TUBGCP4: variants seen among roughly 807,000 people sequenced by gnomAD.
TUBGCP4 encodes gamma-tubulin complex component 4.
TUBGCP4 carries 54 observed loss-of-function variants against 91.6 expected under a neutral mutation model. That is an observed-to-expected ratio of 0.59 (90% CI 0.47 to 0.74). The LOEUF is 0.74. Ranked by LOEUF, TUBGCP4 falls within the 30% of genes least tolerant of loss-of-function variation. The probability of loss-of-function intolerance (pLI) is 0.00; values close to 1 mark genes in which losing one functional copy is unlikely to be tolerated. For missense variants in TUBGCP4, 593 were observed against 800.9 expected (o/e 0.74, Z 3.13); for synonymous variants, 297 against 302.8 (o/e 0.98, Z 0.20).
At chr15:43,382,739 C>A (rs1248257511) in intron 6 of TUBGCP4, among the ~76,000 whole-genome samples, 1 of 152,148 alleles carries the variant, frequency 6.6e-6, no homozygotes, top group Non-Finnish European at 1.5e-5. Flanking sequence ...GGTACATTTT[C>A]CCCTTTTTAA....
At chr15:43,404,651 C>G in intron 17 of TUBGCP4, 99 bp downstream of exon 17, 2 of 1,305,034 alleles carry the variant, frequency 1.5e-6, no homozygotes, top group South Asian at 1.4e-5. Context: ...TCCAAATACC[C>G]TCATTTTATA....
chr15:43,383,281 T>G, intron 6 of TUBGCP4, 22 bp from the exon 7 acceptor site: 4 of 1,604,600 alleles, frequency 2.5e-6, no homozygotes, highest in Non-Finnish European at 3.4e-6. Flanking sequence ...CTTCTGAGCC[T>G]CTTACTTTCT....
In TUBGCP4 at chr15:43,395,345, C is replaced by A. The variant is rs935620048; in HGVS notation, c.1065+188C>A. On this transcript the variant is annotated intron_variant, in intron 10 of 17. Coordinates refer to ENST00000564079, the MANE Select transcript of TUBGCP4 (RefSeq NM_014444.5). ...GATAATACAAAGATTTGGGAGTGTA[C>A]TTTTTTCTGGCATATATATATAATT... The A allele has an allele frequency of 4.3e-6, 3 of 698,186 alleles. No individual in the cohort carries two copies. The African/African-American group carries it at 5.4e-5, about 13-fold the overall frequency. 43.2% of individuals were successfully genotyped at this position (698,186 alleles called of 1,614,324 possible). A position where few individuals can be genotyped will look rare whatever the true frequency, so the allele number is the denominator to read the frequency against.
At chr15:43,376,335 A>C in intron 2 of TUBGCP4, 109 bp downstream of exon 2, 1 of 1,600,496 alleles carries the variant, frequency 6.2e-7, no homozygotes, top group Middle Eastern at 1.7e-4. Flanking sequence ...TTTATCGGTA[A>C]TTCATGTGAA....
intron 10 of TUBGCP4, 60 bp downstream of exon 10, chr15:43,395,217 CTGA>C: frequency 1.9e-6 from 3 of 1,583,304 alleles, no homozygotes; most frequent in Non-Finnish European, 2.6e-6. Flanking sequence ...CTTGCATTCT[CTGA>C]TGTTTCCTGA....
intron 1 of TUBGCP4, among the ~76,000 whole-genome samples, chr15:43,374,310 T>C (rs1566888170): frequency 6.6e-6 from 1 of 152,122 alleles, no homozygotes; most frequent in Non-Finnish European, 1.5e-5. Flanking sequence ...TGGCAGTTCT[T>C]CAAAAAATTA....
At chr15:43,380,611 T>C (rs956041206) in intron 6 of TUBGCP4, among the ~76,000 whole-genome samples, 23 of 152,208 alleles carry the variant, frequency 1.5e-4, no homozygotes, top group African/African-American at 5.5e-4. Flanking sequence ...AAAATAACTA[T>C]ATGCACAAAC....
chr15:43,405,184 T>C lies in TUBGCP4; in HGVS notation c.1989-18T>C, dbSNP rs1334272875. ...GGGAAAGCATGACACTTAATAAGGCTCTTTTTCTCTTTTGTAGTTTCGGGA... is the reference window on the plus strand; with the variant it reads ...GGGAAAGCATGACACTTAATAAGGCCCTTTTTCTCTTTTGTAGTTTCGGGA... On this transcript the variant is annotated intron_variant, in intron 17 of 17. Coordinates refer to ENST00000564079, the MANE Select transcript of TUBGCP4 (RefSeq NM_014444.5). 1.1e-5 allele frequency: 18 copies of C among 1,613,998 alleles called. No homozygotes were observed. Among genetic ancestry groups the C allele is most frequent in the Non-Finnish European group, 1.4e-5 (17 of 1,179,976 alleles).
intron 7 of TUBGCP4, chr15:43,385,392 A>C: frequency 2.2e-6 from 1 of 458,328 alleles, no homozygotes; most frequent in Non-Finnish European, 4.4e-6. Flanking sequence ...GTGATTGTAT[A>C]GGAAGTGTAG....
At chr15:43,393,296 G>A (rs1057340818) in intron 9 of TUBGCP4, among the ~76,000 whole-genome samples, 3 of 149,484 alleles carry the variant, frequency 2.0e-5, no homozygotes, top group South Asian at 2.1e-4. Flanking sequence ...TGCAACCTCC[G>A]TCTCCCGGGT....
rs543207317 is a variant in TUBGCP4 at position 43,371,140 on chromosome 15, C to G, written c.-215C>G. On this transcript the variant is annotated 5_prime_UTR_variant, in exon 1 of 18. Transcript: ENST00000564079. Reference sequence around the variant, plus strand: ...CCGGGCGGGAGTAGCTGGTGGACCCCGTTGAGCTGCCGAACTTCCGGGACT... The same window carrying G: ...CCGGGCGGGAGTAGCTGGTGGACCCGGTTGAGCTGCCGAACTTCCGGGACT... 7 of 610,610 alleles carry G rather than the reference C, an allele frequency of 1.1e-5. No homozygotes were observed. Among genetic ancestry groups the G allele is most frequent in the East Asian group, 2.8e-5 (1 of 36,146 alleles). The allele number at this position is 610,610 out of a possible 1,614,324, so 37.8% of individuals were successfully genotyped here.
chr15:43,390,515 CT>C (rs201543896), intron 9 of TUBGCP4, among the ~76,000 whole-genome samples: 198 of 136,960 alleles, frequency 1.4e-3, no homozygotes, highest in Middle Eastern at 7.6e-3. Context: ...TTTCTTTTTT[CT>C]TTTTTTTTTT....
In TUBGCP4 at chr15:43,383,383, A is replaced by C. The variant is rs1407284410; in HGVS notation, c.602A>C (p.Glu201Ala). 16 of 1,614,046 alleles carry C rather than the reference A, an allele frequency of 9.9e-6. No homozygotes were observed. The highest frequency in any genetic ancestry group is 1.2e-5 in the Non-Finnish European group (14 of 1,180,018). The change falls in exon 7 of 18, where the codon GAA becomes GCA. Residue 201 changes from glutamate (E) to alanine (A), a missense_variant. Glu to Ala is a moderately radical substitution (Grantham distance 107). Coordinates refer to ENST00000564079, the MANE Select transcript of TUBGCP4 (RefSeq NM_014444.5). Reference sequence around the variant, plus strand: ...CATGGACTCCTCTTGGACCAGCATGAAGAATTCTTTATCAAACAGGGGCCA... The same window carrying C: ...CATGGACTCCTCTTGGACCAGCATGCAGAATTCTTTATCAAACAGGGGCCA... ...MLHGLLLDQH[E>A]EFFIKQGPSS...
Position 43,380,085 on chromosome 15 carries a change from T to C in TUBGCP4, c.443T>C (p.Ile148Thr). The change falls in exon 6 of 18, where the codon ATT (isoleucine) becomes ACT (threonine). Residue 148 changes from isoleucine (I) to threonine (T), a missense_variant and splice_region_variant. Physicochemically the swap from Ile to Thr is moderately conservative, Grantham distance 89. Transcript: ENST00000564079. Reference sequence around the variant, plus strand: ...TTGACAAGGCCGTATTTTCCACAGATTCATGGTTGTCAAATCCTGGAAACA... The same window carrying C: ...TTGACAAGGCCGTATTTTCCACAGACTCATGGTTGTCAAATCCTGGAAACA... The part of the protein sequence containing the change: ...VVVEQIKSQK[I>T]HGCQILETVY... 1 of 1,614,070 alleles carries C rather than the reference T, an allele frequency of 6.2e-7. No individual in the cohort carries two copies.
intron 6 of TUBGCP4, among the ~76,000 whole-genome samples, chr15:43,382,897 C>T (rs1336628762): frequency 6.6e-6 from 1 of 152,044 alleles, no homozygotes; most frequent in East Asian, 1.9e-4. Flanking sequence ...ATATTCTCTC[C>T]CTAAGTGATT....
chr15:43,397,378 A>G (rs2142865373), intron 12 of TUBGCP4, 57 bp downstream of exon 12: 1 of 1,293,274 alleles, frequency 7.7e-7, no homozygotes, highest in South Asian at 1.2e-5. Flanking sequence ...CCATTTTCCC[A>G]TCTCTGCTTC....
chr15:43,385,812 A>G lies in TUBGCP4; in HGVS notation c.745A>G (p.Met249Val). Residue 249 changes from methionine to valine, a missense_variant, in exon 8 of 18, where the codon ATG (methionine) becomes GTG (valine). Met to Val is a conservative substitution (Grantham distance 21). Coordinates refer to ENST00000564079, the MANE Select transcript of TUBGCP4 (RefSeq NM_014444.5). ...CTAGCGCCTGATTGAGGAAGAGAACATGCTGGCACCATCTCTGAAGCAGTT... is the reference window on the plus strand; with the variant it reads ...CTAGCGCCTGATTGAGGAAGAGAACGTGCTGGCACCATCTCTGAAGCAGTT... ...QDLRLIEEEN[M>V]LAPSLKQFSL... is the part of the protein sequence containing the mutation. The G allele has an allele frequency of 6.2e-7, 1 of 1,614,172 alleles. No individual in the cohort carries two copies. Among genetic ancestry groups the G allele is most frequent in the Non-Finnish European group, 8.5e-7 (1 of 1,180,014 alleles).
intron 17 of TUBGCP4, 75 bp downstream of exon 17, chr15:43,404,627 G>A: frequency 2.0e-6 from 3 of 1,509,240 alleles, no homozygotes; most frequent in Non-Finnish European, 2.7e-6. Context: ...TCTAGAACTG[G>A]AAGAAGACTT....
chr15:43,382,130 T>G (rs2044293633), intron 6 of TUBGCP4, among the ~76,000 whole-genome samples: 1 of 151,564 alleles, frequency 6.6e-6, no homozygotes, highest in South Asian at 2.1e-4. Flanking sequence ...GAGGGTGGCT[T>G]GAGTCCAGGA....
Sources: gnomAD v4.1 joint callset for allele counts (sites outside exome capture counted in the v4.1 genomes callset) on GRCh38, gnomAD v4.1.1 for gene constraint, MANE v1.5 for transcripts, NCBI Gene and HGNC (gene_info 2026-07-23, HGNC 2026-07-21) for gene names.